Variants in NFIX observed in about 807,000 individuals in gnomAD.
The protein encoded by NFIX is nuclear factor 1 X-type.
Under a neutral mutation model 53.3 loss-of-function variants are expected in NFIX, and 2 were observed. The ratio of observed to expected loss-of-function variants is 0.04; its 90% CI spans 0.02 to 0.12. The LOEUF (loss-of-function observed/expected upper bound fraction) is 0.12. Among genes scored for constraint, NFIX ranks in the 10% least tolerant of loss-of-function variants. The pLI, the probability that NFIX is intolerant of heterozygous loss-of-function variation, is 1.00. For synonymous variants in NFIX, 244 were observed against 289.0 expected (o/e 0.84, Z 1.58); for missense variants, 310 against 674.5 (o/e 0.46, Z 5.99).
At chr19:13,057,246 C>G (rs2015758371) in intron 2 of NFIX, among the ~76,000 whole-genome samples, 1 of 152,182 alleles carries the variant, frequency 6.6e-6, no homozygotes, top group Admixed American at 6.5e-5. Context: ...CCACCAATGA[C>G]AAGTTCTGAC....
intron 6 of NFIX, among the ~76,000 whole-genome samples, chr19:13,076,317 C>T (rs2017098644): frequency 6.6e-6 from 1 of 152,140 alleles, no homozygotes; most frequent in African/African-American, 2.4e-5. Flanking sequence ...GGAGAGAGTA[C>T]AGAGGAAGCC....
chr19:13,095,232 C>A lies in NFIX; in HGVS notation c.*583C>A, dbSNP rs573580829. ...CTCTGCCAAGGCTCCAGCTTCTTCCCCCAGCTGCTCCCGACCAGGAGGGGG... is the reference window on the plus strand; with the variant it reads ...CTCTGCCAAGGCTCCAGCTTCTTCCACCAGCTGCTCCCGACCAGGAGGGGG... On this transcript the variant is annotated 3_prime_UTR_variant, in exon 11 of 11. Transcript: ENST00000592199. The A allele has an allele frequency of 6.2e-5, 9 of 146,280 alleles. No homozygotes were observed. The allele number at this position is 146,280 out of a possible 1,614,324, so 9.1% of individuals were successfully genotyped here.
intron 6 of NFIX, among the ~76,000 whole-genome samples, chr19:13,077,824 G>C (rs542291067): frequency 7.2e-5 from 11 of 152,264 alleles, no homozygotes; most frequent in Non-Finnish European, 1.6e-4. Context: ...ATGGCCACTG[G>C]GCAGAGATGA....
At chr19:13,024,728 G>A in intron 1 of NFIX, 1 of 1,534,836 alleles carries the variant, frequency 6.5e-7, no homozygotes, top group South Asian at 1.2e-5. Context: ...GTGTGAGTGA[G>A]TGAGGGAGAG....
At chr19:13,026,545 C>A (rs183065495) in intron 2 of NFIX, among the ~76,000 whole-genome samples, 3 of 151,920 alleles carry the variant, frequency 2.0e-5, no homozygotes, top group Non-Finnish European at 4.4e-5. Context: ...AATTTCTTTC[C>A]GCTTTTGTTT....
chr19:13,082,037 GC>G (rs1321362617), intron 8 of NFIX, 182 bp downstream of exon 8: 18 of 656,480 alleles, frequency 2.7e-5, no homozygotes, highest in Non-Finnish European at 4.4e-5. Context: ...TGTGTATTAT[GC>G]CAGGGCTTGT....
At chr19:13,044,310 C>T (rs1013266726) in intron 2 of NFIX, among the ~76,000 whole-genome samples, 4 of 152,186 alleles carry the variant, frequency 2.6e-5, no homozygotes, top group African/African-American at 9.7e-5. Flanking sequence ...CTTGTGGCCA[C>T]GCAGTCGTGG....
At chr19:13,044,391 C>T (rs749653182) in intron 2 of NFIX, among the ~76,000 whole-genome samples, 2 of 152,064 alleles carry the variant, frequency 1.3e-5, no homozygotes, top group Admixed American at 1.3e-4. Flanking sequence ...TGCTAACCTG[C>T]GGGTGTCTGT....
rs1378799152 is a variant in NFIX, at chr19:12,996,300, A to C, written c.27+436A>C. On this transcript the variant is annotated intron_variant, in intron 1 of 10. Transcript: ENST00000592199. The surrounding 1 kb of genome is among the most constrained non-coding windows in gnomAD (Gnocchi z 5.2). Reference sequence around the variant, plus strand: ...ACAGAGTGGCAAGAGGGTGGTCCCGAGGGCGCAGAGGGGACACTGGGTCCC... The same window carrying C: ...ACAGAGTGGCAAGAGGGTGGTCCCGCGGGCGCAGAGGGGACACTGGGTCCC... 6.6e-6 allele frequency among the ~76,000 whole-genome samples: 1 copy of C among 151,702 alleles called. No homozygotes were observed. Among genetic ancestry groups the C allele is most frequent in the Non-Finnish European group, 1.5e-5 (1 of 67,920 alleles).
Position 13,036,609 on chromosome 19 carries a change from A to G in NFIX, c.559+11057A>G, listed in dbSNP as rs2014213901. Among the ~76,000 whole-genome samples the G allele has an allele frequency of 6.6e-6, 1 of 152,060 alleles. No individual in the cohort carries two copies. ...GGCCAGCCGAGTGCAGCCCTTGGGG[A>G]GTGTGTCCTTATTATGCCTGCAGAT... On this transcript the variant is annotated intron_variant, in intron 2 of 10. Transcript: ENST00000592199. The surrounding 1 kb of genome is among the most constrained non-coding windows in gnomAD (Gnocchi z 4.7).
rs970724190 is a variant in NFIX at position 13,021,569 on chromosome 19, C to T, written c.28-3452C>T. 6.6e-6 allele frequency among the ~76,000 whole-genome samples: 1 copy of T among 152,182 alleles called. No individual in the cohort carries two copies. Among genetic ancestry groups the T allele is most frequent in the Admixed American group, 6.5e-5 (1 of 15,282 alleles). Reference sequence around the variant, plus strand: ...CCGTCGCCAGCTGAGGACTGAGCCTCGCTGAGGGAGAGGGCGGCTGTAGGG... The same window carrying T: ...CCGTCGCCAGCTGAGGACTGAGCCTTGCTGAGGGAGAGGGCGGCTGTAGGG... On this transcript the variant is annotated intron_variant, in intron 1 of 10. Coordinates refer to ENST00000592199, the MANE Select transcript of NFIX (RefSeq NM_001365902.3). The surrounding 1 kb of genome is among the most constrained non-coding windows in gnomAD (Gnocchi z 4.2).
At chr19:13,024,375 A>G (rs1599735711) in intron 1 of NFIX, 1 of 623,182 alleles carries the variant, frequency 1.6e-6, no homozygotes, top group Admixed American at 6.3e-5. Context: ...AGGTCTGATT[A>G]AAAAATGTTG....
rs1411062872 is a variant in NFIX at position 13,005,749 on chromosome 19, C to T, written c.27+9885C>T. Among the ~76,000 whole-genome samples the T allele has an allele frequency of 8.5e-5, 13 of 152,194 alleles. No individual in the cohort carries two copies. The highest frequency in any genetic ancestry group is 2.4e-4 in the African/African-American group (10 of 41,440). On this transcript the variant is annotated intron_variant, in intron 1 of 10. Transcript: ENST00000592199. The surrounding 1 kb of genome is among the most constrained non-coding windows in gnomAD (Gnocchi z 4.7). ...TTCAAAATGGGTCTGCACACCCCCA[C>T]GCCCCCATTTGAAACGTGCCCTAGT...
rs1483356272 is a variant in NFIX at position 13,013,458 on chromosome 19, A to G, written c.28-11563A>G. Among the ~76,000 whole-genome samples, 1 of 151,972 alleles carries G rather than the reference A, an allele frequency of 6.6e-6. No individual in the cohort carries two copies. The highest frequency in any genetic ancestry group is 1.5e-5 in the Non-Finnish European group (1 of 67,998). ...CTTTGATGGTGTTAGGTCCTTTTCC[A>G]CGTGCGGATGACTCAGCCCGCTGCA... On this transcript the variant is annotated intron_variant, in intron 1 of 10. Coordinates refer to ENST00000592199, the MANE Select transcript of NFIX (RefSeq NM_001365902.3). This position sits in a 1 kb window ranked among gnomAD's most constrained non-coding sequence, Gnocchi z 5.9.
intron 2 of NFIX, among the ~76,000 whole-genome samples, chr19:13,055,987 G>C (rs1033672541): frequency 2.0e-5 from 3 of 152,232 alleles, no homozygotes; most frequent in Admixed American, 2.0e-4. Context: ...GCGTGTGAGT[G>C]GTCTGTGGGG....
chr19:13,029,936 G>C (rs1275760717), intron 2 of NFIX, among the ~76,000 whole-genome samples: 1 of 152,194 alleles, frequency 6.6e-6, no homozygotes, highest in Non-Finnish European at 1.5e-5. Context: ...CCAAGACGGG[G>C]CTGGTGCCAG....
rs1384327888 is a variant in NFIX, at chr19:13,045,412, G to A, written c.559+19860G>A. Among the ~76,000 whole-genome samples the A allele has an allele frequency of 2.0e-5, 3 of 152,100 alleles. No individual in the cohort carries two copies. The highest frequency in any genetic ancestry group is 1.3e-4 in the Admixed American group (2 of 15,280). On this transcript the variant is annotated intron_variant, in intron 2 of 10. Coordinates refer to ENST00000592199, the MANE Select transcript of NFIX (RefSeq NM_001365902.3). The surrounding 1 kb of genome is among the most constrained non-coding windows in gnomAD (Gnocchi z 4.4). The stretch of plus-strand genomic sequence containing the variant: ...GGGATGGGGTTGCTACTGGCATCTC[G>A]TGGGTGGAGGCTGGGATGCTGCTAG...
At position 13,067,196 on chromosome 19, in the gene NFIX, G is replaced by A. The variant is rs1159994784; in HGVS notation, c.560-5851G>A. Among the ~76,000 whole-genome samples, 1 of 152,022 alleles carries A rather than the reference G, an allele frequency of 6.6e-6. No homozygotes were observed. The highest frequency in any genetic ancestry group is 1.5e-5 in the Non-Finnish European group (1 of 67,990). On this transcript the variant is annotated intron_variant, in intron 2 of 10. Coordinates refer to ENST00000592199, the MANE Select transcript of NFIX (RefSeq NM_001365902.3). The surrounding 1 kb of genome is among the most constrained non-coding windows in gnomAD (Gnocchi z 4.2). ...AGGGCCAGTGATTGGCCCCAGAATC[G>A]CATCAGCCCTTCAGAGGATGGGGTG...
In NFIX at chr19:13,033,977, T is replaced by C. The variant is rs368226505; in HGVS notation, c.559+8425T>C. 5.3e-5 allele frequency among the ~76,000 whole-genome samples: 8 copies of C among 152,226 alleles called. No individual in the cohort carries two copies. In the East Asian group the frequency reaches 9.6e-4, roughly 18 times the overall value. On this transcript the variant is annotated intron_variant, in intron 2 of 10. Coordinates refer to ENST00000592199, the MANE Select transcript of NFIX (RefSeq NM_001365902.3). ...GTGATATAGACAGGGCAGGTATTAT[T>C]GTATCTACTGTACAGAGGAGGACCC...
Sources: gnomAD v4.1 joint callset for allele counts (sites outside exome capture counted in the v4.1 genomes callset) on GRCh38, gnomAD v4.1.1 for gene constraint, Gnocchi (gnomAD v3.1) non-coding constraint, MANE v1.5 for transcripts, NCBI Gene and HGNC (gene_info 2026-07-23, HGNC 2026-07-21) for gene names.